The following ZNF600 variants were observed in gnomAD, a reference collection of about 807,000 sequenced individuals.
ZNF600 encodes the protein zinc finger protein KR-ZNF1.
ZNF600 carries 4 observed loss-of-function variants against 7.3 expected under a neutral mutation model. The ratio of observed to expected loss-of-function variants is 0.55; its 90% confidence interval spans 0.27 to 1.25. The LOEUF is 1.25. Among genes scored for constraint, ZNF600 ranks in the 50% most tolerant of loss-of-function variants. The pLI is 0.12. For synonymous variants in ZNF600, 290 were observed against 308.9 expected, an observed-to-expected ratio of 0.94 and a Z score of 0.64; for missense variants, 911 against 922.1, an observed-to-expected ratio of 0.99 and a Z score of 0.16.
At chr19:52,821,933 A>T in the ZNF600 span, among the ~76,000 whole-genome samples, 1 of 24,052 alleles carries the variant, frequency 4.2e-5, no homozygotes, top group South Asian at 6.8e-4. Flanking sequence ...AAAAAATAAT[A>T]AAAAAAAAAT....
chr19:52,832,761 T>TTCTC, the ZNF600 span, among the ~76,000 whole-genome samples: 1 of 151,740 alleles, frequency 6.6e-6, no homozygotes, highest in Non-Finnish European at 1.5e-5. Context: ...GAGCGACATT[T>TTCTC]TCTCTCTCTC....
chr19:52,810,326 T>C, the ZNF600 span: 16 of 1,599,290 alleles, frequency 1.0e-5, no homozygotes, highest in Non-Finnish European at 1.4e-5. Flanking sequence ...ATGCTGGCAA[T>C]GTGGACTGCG....
exon 1 of ZNF600, chr19:52,786,784 C>G (rs113087821): frequency 2.1e-3 from 24 of 11,334 alleles, no homozygotes; most frequent in South Asian, 0.015. Flanking sequence ...TTGTGCGCGC[C>G]CAGGACTGAA....
At chr19:52,829,082 T>G in the ZNF600 span, among the ~76,000 whole-genome samples, 1 of 152,096 alleles carries the variant, frequency 6.6e-6, no homozygotes, top group Non-Finnish European at 1.5e-5. Context: ...GCCAGGATGG[T>G]CTTCATCTCC....
chr19:52,786,618 G>A (rs987934859), exon 1 of ZNF600: 6 of 188,890 alleles, frequency 3.2e-5, no homozygotes, highest in East Asian at 1.3e-4. Flanking sequence ...TTTGCTCTGG[G>A]TGAAGGGAAG....
intron 1 of ZNF600, among the ~76,000 whole-genome samples, 190 bp downstream of exon 1, chr19:52,786,405 C>G (rs2062764040): frequency 6.6e-6 from 1 of 152,144 alleles, no homozygotes; most frequent in Non-Finnish European, 1.5e-5. Context: ...CTGGGAGGCG[C>G]CCAGGGCTGG....
At chr19:52,785,744 G>T (rs993670549) in intron 1 of ZNF600, among the ~76,000 whole-genome samples, 1 of 151,994 alleles carries the variant, frequency 6.6e-6, no homozygotes, top group Admixed American at 6.6e-5. Flanking sequence ...TTCTCCATCT[G>T]TTCTTGCCAC....
At chr19:52,818,709 A>AAT in the ZNF600 span, among the ~76,000 whole-genome samples, 96,797 of 150,880 alleles carry the variant, frequency 0.64, 32,048 homozygotes, top group Non-Finnish European at 0.73. Context: ...TCAAAAATAA[A>AAT]AAAATACAAA....
chr19:52,773,913 T>C (rs2062651008), intron 3 of ZNF600, among the ~76,000 whole-genome samples: 2 of 151,096 alleles, frequency 1.3e-5, no homozygotes, highest in South Asian at 4.2e-4. Flanking sequence ...AAATGTGGTT[T>C]CACCATGTTG....
chr19:52,768,819 A>G (rs1363696999), intron 3 of ZNF600, among the ~76,000 whole-genome samples: 5 of 152,164 alleles, frequency 3.3e-5, no homozygotes, highest in Non-Finnish European at 7.4e-5. Flanking sequence ...TAAAATAACA[A>G]GAGTTATACT....
the ZNF600 span, among the ~76,000 whole-genome samples, chr19:52,793,773 C>T: frequency 1.1e-3 from 33 of 29,874 alleles, no homozygotes; most frequent in East Asian, 6.1e-3. Flanking sequence ...GCCACACACA[C>T]ACACACACAC....
At chr19:52,801,836 A>G in the ZNF600 span, 3 of 836,058 alleles carry the variant, frequency 3.6e-6, no homozygotes, top group Non-Finnish European at 5.5e-6. Context: ...TAAGAACACA[A>G]AAGGAGTAAG....
chr19:52,812,287 G>T, the ZNF600 span, among the ~76,000 whole-genome samples: 1 of 141,004 alleles, frequency 7.1e-6, no homozygotes, highest in Non-Finnish European at 1.5e-5. Context: ...CATTGAGAAC[G>T]GGCCATGATG....
chr19:52,829,522 G>A, the ZNF600 span, among the ~76,000 whole-genome samples: 1 of 118,916 alleles, frequency 8.4e-6, no homozygotes, highest in Non-Finnish European at 1.7e-5. Flanking sequence ...TTTCAGGCAT[G>A]TGCCACCACA....
At chr19:52,773,614 G>T (rs1457548868) in intron 3 of ZNF600, among the ~76,000 whole-genome samples, 1 of 152,114 alleles carries the variant, frequency 6.6e-6, no homozygotes, top group Non-Finnish European at 1.5e-5. Flanking sequence ...GCTCACGTCT[G>T]TAATCTCAGC....
the ZNF600 span, among the ~76,000 whole-genome samples, chr19:52,822,357 C>A: frequency 6.6e-6 from 1 of 152,050 alleles, no homozygotes; most frequent in African/African-American, 2.4e-5. Flanking sequence ...CAGGCCTGAG[C>A]CACTGTGCCT....
the ZNF600 span, among the ~76,000 whole-genome samples, chr19:52,819,299 AC>A: frequency 1.4e-4 from 20 of 142,188 alleles, 1 homozygote; most frequent in African/African-American, 5.0e-4. Context: ...CACTGACATG[AC>A]CTGCTTTAGA....
At chr19:52,775,512 T>C (rs940456106) in intron 2 of ZNF600, among the ~76,000 whole-genome samples, 1 of 152,214 alleles carries the variant, frequency 6.6e-6, no homozygotes, top group Non-Finnish European at 1.5e-5. Flanking sequence ...ATCGCACCAC[T>C]GCACTTTAGC....
chr19:52,800,742 G>A, the ZNF600 span: 1 of 1,613,640 alleles, frequency 6.2e-7, no homozygotes, highest in Non-Finnish European at 8.5e-7. Flanking sequence ...TGCAAGGGTT[G>A]ACAGTCGATT....
Sources: allele counts gnomAD v4.1 joint callset (sites outside exome capture counted in the v4.1 genomes callset), GRCh38; gene constraint gnomAD v4.1.1; transcripts MANE v1.5; gene names NCBI Gene and HGNC (gene_info 2026-07-23, HGNC 2026-07-21).